Variants in NEK1 observed in about 807,000 individuals in gnomAD.
NEK1 encodes serine/threonine-protein kinase Nek1.
A neutral mutation model predicts 182.1 loss-of-function variants in NEK1; 137 were observed. The ratio of observed to expected loss-of-function variants is 0.75; its 90% CI spans 0.65 to 0.87. The LOEUF (loss-of-function observed/expected upper bound fraction) is 0.87, where lower values mean the gene tolerates loss of function less well. Ranked by LOEUF, NEK1 falls within the 40% of genes least tolerant of loss-of-function variation. The pLI, the probability that NEK1 is intolerant of heterozygous loss-of-function variation, is 0.00. For missense variants in NEK1, 1,391 were observed against 1,494.4 expected, an observed-to-expected ratio of 0.93 and a Z score of 1.14; for synonymous variants, 513 against 492.2, an observed-to-expected ratio of 1.04 and a Z score of -0.56.
chr4:169,493,790 T>C (rs186282024), intron 23 of NEK1, among the ~76,000 whole-genome samples: 2 of 152,242 alleles, frequency 1.3e-5, no homozygotes, highest in Admixed American at 6.5e-5. Context: ...TATAAGATTA[T>C]GTAAAGCAAC....
intron 29 of NEK1, 68 bp downstream of exon 29, chr4:169,433,477 T>C: frequency 2.1e-6 from 3 of 1,424,240 alleles, no homozygotes; most frequent in East Asian, 2.3e-5. Context: ...TAGCTTATTA[T>C]AGTATTTTCT....
chr4:169,578,264 T>C (rs763382717), intron 11 of NEK1, among the ~76,000 whole-genome samples: 25 of 152,148 alleles, frequency 1.6e-4, no homozygotes, highest in Non-Finnish European at 2.4e-4. Flanking sequence ...AGAGTCTACA[T>C]AAACCCTTAT....
chr4:169,573,724 A>G (rs959671393), intron 12 of NEK1, among the ~76,000 whole-genome samples: 4 of 152,224 alleles, frequency 2.6e-5, no homozygotes, highest in Non-Finnish European at 5.9e-5. Context: ...CTAGAAACAC[A>G]GGAAGTGGTG....
chr4:169,438,923 T>C (rs1738911242), intron 27 of NEK1, among the ~76,000 whole-genome samples: 1 of 152,212 alleles, frequency 6.6e-6, no homozygotes, highest in Non-Finnish European at 1.5e-5. Context: ...TTGTCATTAA[T>C]TATAGCCTCT....
At chr4:169,405,846 G>A (rs187773666) in intron 32 of NEK1, among the ~76,000 whole-genome samples, 7 of 152,222 alleles carry the variant, frequency 4.6e-5, no homozygotes, top group East Asian at 3.9e-4. Flanking sequence ...GCTCATGCCC[G>A]TAATCCTAGC....
chr4:169,591,153 CCA>C (rs201458680), intron 5 of NEK1, among the ~76,000 whole-genome samples: 39 of 147,644 alleles, frequency 2.6e-4, no homozygotes, highest in African/African-American at 9.6e-4. Flanking sequence ...CGCCCCCCCC[CCA>C]CTTCTTTAGG....
chr4:169,583,142 A>C (rs1024158234), intron 10 of NEK1, among the ~76,000 whole-genome samples: 1 of 152,054 alleles, frequency 6.6e-6, no homozygotes, highest in Admixed American at 6.6e-5. Context: ...CCTTTAAAAA[A>C]AGGTATCACA....
intron 31 of NEK1, among the ~76,000 whole-genome samples, chr4:169,417,667 T>A (rs192704904): frequency 2.0e-5 from 3 of 152,344 alleles, no homozygotes; most frequent in Non-Finnish European, 2.9e-5. Context: ...ATTTATCTTC[T>A]GGAGACTTCC....
In NEK1 at chr4:169,438,191, G is replaced by A. The variant is rs531948550; in HGVS notation, c.2656C>T (p.His886Tyr). 1 of 1,591,708 alleles carries A rather than the reference G, an allele frequency of 6.3e-7. No individual in the cohort carries two copies. Among genetic ancestry groups the A allele is most frequent in the South Asian group, 1.1e-5 (1 of 87,916 alleles). ...TGEKKVQCIS[H>Y]EINPSAIVDS... ...ACAATAGCTGATGGGTTTATTTCAT[G>A]TGAAATACATTGTACTTTTTTTTCT... Residue 886 changes from histidine to tyrosine, a missense_variant, in exon 28 of 36, where the codon CAT becomes TAT. Physicochemically the swap from His to Tyr is moderately conservative, Grantham distance 83. This residue lies in a region of NEK1 where 1,216 missense variants were observed against 1,277.6 expected (regional missense o/e 0.95). Coordinates refer to ENST00000507142, the MANE Select transcript of NEK1 (RefSeq NM_001199397.3).
chr4:169,439,485 G>C (rs1739025216), intron 27 of NEK1, among the ~76,000 whole-genome samples: 1 of 152,166 alleles, frequency 6.6e-6, no homozygotes, highest in African/African-American at 2.4e-5. Flanking sequence ...TCAACAAACT[G>C]CTTGCCAAAA....
At chr4:169,498,729 G>C (rs536468549) in intron 23 of NEK1, among the ~76,000 whole-genome samples, 2 of 152,288 alleles carry the variant, frequency 1.3e-5, no homozygotes, top group South Asian at 4.1e-4. Context: ...GTTGAATAAT[G>C]GCCCCCACTC....
At chr4:169,487,069 C>T (rs1024380588) in intron 23 of NEK1, among the ~76,000 whole-genome samples, 1 of 152,128 alleles carries the variant, frequency 6.6e-6, no homozygotes. Context: ...ATTGGTACTA[C>T]AATTTTTATC....
rs760185844 is a variant in NEK1, at chr4:169,400,627, C to T, written c.3608G>A (p.Ser1203Asn). The T allele has an allele frequency of 1.3e-6, 2 of 1,596,122 alleles. No homozygotes were observed. The highest frequency in any genetic ancestry group is 2.2e-5 in the East Asian group (1 of 44,488). The change falls in exon 34 of 36, where the codon AGT becomes AAT. Residue 1203 changes from serine to asparagine, a missense_variant. By Grantham distance (46) the Ser-to-Asn change is conservative. Transcript: ENST00000507142. ...AAAGACACTATCGCATTCACATTCACTAGCAATTTCACCATCACTGTTATC... is the reference window on the plus strand; with the variant it reads ...AAAGACACTATCGCATTCACATTCATTAGCAATTTCACCATCACTGTTATC... ...HSDNSDGEIA[S>N]ECECDSVFNH...
chr4:169,418,747 C>T (rs1734956344), intron 31 of NEK1, among the ~76,000 whole-genome samples: 1 of 151,710 alleles, frequency 6.6e-6, no homozygotes, highest in South Asian at 2.1e-4. Context: ...TCTTAGTGAC[C>T]CGTGGAATGG....
intron 12 of NEK1, among the ~76,000 whole-genome samples, chr4:169,570,948 G>T (rs1764708605): frequency 6.6e-6 from 1 of 152,068 alleles, no homozygotes; most frequent in Non-Finnish European, 1.5e-5. Context: ...GGCGGTGCAA[G>T]ATGTGCTTTG....
intron 18 of NEK1, among the ~76,000 whole-genome samples, chr4:169,539,608 C>A (rs886482932): frequency 6.6e-6 from 1 of 152,078 alleles, no homozygotes; most frequent in African/African-American, 2.4e-5. Flanking sequence ...CAACTTGTTT[C>A]CTGCATATAT....
chr4:169,409,994 A>G (rs927485028), intron 31 of NEK1, among the ~76,000 whole-genome samples: 1 of 152,194 alleles, frequency 6.6e-6, no homozygotes, highest in African/African-American at 2.4e-5. Context: ...GATTCTGAAT[A>G]GTAGACTGGT....
At chr4:169,588,798 T>C in intron 7 of NEK1, 63 bp from the exon 8 acceptor site, 1 of 1,046,032 alleles carries the variant, frequency 9.6e-7, no homozygotes, top group Non-Finnish European at 1.4e-6. Context: ...ATTAATGTTG[T>C]TTTTGGTCTA....
chr4:169,549,866 C>A (rs1173687108), intron 18 of NEK1, among the ~76,000 whole-genome samples: 6 of 152,132 alleles, frequency 3.9e-5, no homozygotes, highest in Non-Finnish European at 7.4e-5. Context: ...ATTACAGGCA[C>A]CCACCACCAT....
Sources: allele counts gnomAD v4.1 joint callset (sites outside exome capture counted in the v4.1 genomes callset), GRCh38; gene constraint gnomAD v4.1.1; regional missense constraint gnomAD v4.1.1; transcripts MANE v1.5; gene names NCBI Gene and HGNC (gene_info 2026-07-23, HGNC 2026-07-21).